Variants in ARL8B observed in about 807,000 individuals in gnomAD.
ARL8B encodes the protein ARF like GTPase 8B.
In ARL8B, 9 loss-of-function variants were observed where a neutral mutation model predicts 30.6. The observed-to-expected ratio is 0.29, with a 90% confidence interval of 0.18 to 0.51. The LOEUF (loss-of-function observed/expected upper bound fraction) is 0.51. ARL8B is among the 20% of genes least tolerant of loss of function. The pLI is 0.97. For missense variants in ARL8B, 130 were observed against 227.2 expected, an observed-to-expected ratio of 0.57 and a Z score of 2.75; for synonymous variants, 74 against 76.0, an observed-to-expected ratio of 0.97 and a Z score of 0.14.
intron 1 of ARL8B, among the ~76,000 whole-genome samples, chr3:5,150,782 C>CAAAAT (rs546976416): frequency 0.012 from 1,825 of 152,020 alleles, 39 homozygotes; most frequent in African/African-American, 0.041. Flanking sequence ...GACTCTGTCT[C>CAAAAT]AAAATAAAAT....
At chr3:5,144,782 A>C (rs915140613) in intron 1 of ARL8B, among the ~76,000 whole-genome samples, 1 of 152,206 alleles carries the variant, frequency 6.6e-6, no homozygotes, top group African/African-American at 2.4e-5. Context: ...ATTTATGCGA[A>C]CTATGGCAAC....
intron 1 of ARL8B, among the ~76,000 whole-genome samples, chr3:5,149,486 G>A (rs1367354158): frequency 6.6e-6 from 1 of 151,474 alleles, no homozygotes; most frequent in Non-Finnish European, 1.5e-5. Flanking sequence ...AGGCACACCT[G>A]GGGCAGTTAC....
intron 1 of ARL8B, among the ~76,000 whole-genome samples, chr3:5,141,317 C>T (rs1458900264): frequency 1.3e-5 from 2 of 152,196 alleles, no homozygotes; most frequent in East Asian, 3.8e-4. Flanking sequence ...TTCCTTTGGT[C>T]TCATTTTCAT....
At chr3:5,122,626 G>C in intron 1 of ARL8B, 38 bp downstream of exon 1, 1 of 1,573,086 alleles carries the variant, frequency 6.4e-7, no homozygotes, top group Non-Finnish European at 8.6e-7. Context: ...GGGCTCCGCA[G>C]CCAGGAGTCC....
chr3:5,166,403 T>C (rs2106568835), intron 1 of ARL8B, among the ~76,000 whole-genome samples: 1 of 141,480 alleles, frequency 7.1e-6, no homozygotes, highest in Non-Finnish European at 1.5e-5. Flanking sequence ...AGTGCAGTGG[T>C]GCCATCTCAG....
chr3:5,161,340 A>C (rs766753138), intron 1 of ARL8B, among the ~76,000 whole-genome samples: 1 of 152,230 alleles, frequency 6.6e-6, no homozygotes, highest in Non-Finnish European at 1.5e-5. Flanking sequence ...TTAACACTGA[A>C]ACTTGCAGTC....
intron 1 of ARL8B, among the ~76,000 whole-genome samples, chr3:5,132,758 A>G (rs1341051470): frequency 6.6e-6 from 1 of 152,214 alleles, no homozygotes; most frequent in Non-Finnish European, 1.5e-5. Context: ...ACTAGGTGCA[A>G]GGCATTGTGA....
chr3:5,126,252 A>G (rs1424800557), intron 1 of ARL8B, among the ~76,000 whole-genome samples: 1 of 152,212 alleles, frequency 6.6e-6, no homozygotes, highest in Non-Finnish European at 1.5e-5. Flanking sequence ...CAATGTGTCC[A>G]AAATAGTAAG....
intron 3 of ARL8B, 91 bp downstream of exon 3, chr3:5,172,314 T>TA (rs2054683730): frequency 8.9e-7 from 1 of 1,126,128 alleles, no homozygotes; most frequent in Admixed American, 2.1e-5. Context: ...GCTCAATTTT[T>TA]ATCTCAGGCA....
At chr3:5,167,247 G>A (rs1293209478) in intron 1 of ARL8B, among the ~76,000 whole-genome samples, 2 of 152,148 alleles carry the variant, frequency 1.3e-5, no homozygotes, top group African/African-American at 2.4e-5. Flanking sequence ...GAATCACAGC[G>A]AGTGCCACGT....
intron 1 of ARL8B, among the ~76,000 whole-genome samples, chr3:5,153,493 T>C (rs1203040201): frequency 6.6e-6 from 1 of 152,174 alleles, no homozygotes; most frequent in Non-Finnish European, 1.5e-5. Context: ...CACATGGAAC[T>C]GTTAAATCCA....
At chr3:5,154,811 T>C (rs2054517986) in intron 1 of ARL8B, among the ~76,000 whole-genome samples, 1 of 152,190 alleles carries the variant, frequency 6.6e-6, no homozygotes, top group Non-Finnish European at 1.5e-5. Flanking sequence ...CCGGGGTTCA[T>C]GTGATTCTCC....
chr3:5,144,657 G>A (rs1262571796), intron 1 of ARL8B, among the ~76,000 whole-genome samples: 1 of 152,174 alleles, frequency 6.6e-6, no homozygotes, highest in Non-Finnish European at 1.5e-5. Context: ...ACTACCTTAG[G>A]GATGTCTGGG....
intron 1 of ARL8B, among the ~76,000 whole-genome samples, chr3:5,159,365 G>T (rs1303176894): frequency 6.6e-6 from 1 of 151,160 alleles, no homozygotes; most frequent in Non-Finnish European, 1.5e-5. Flanking sequence ...CACTTTGGGA[G>T]GCCGAGGTGG....
intron 1 of ARL8B, among the ~76,000 whole-genome samples, chr3:5,156,450 A>G (rs2054534234): frequency 6.8e-6 from 1 of 147,416 alleles, no homozygotes; most frequent in Admixed American, 6.7e-5. Flanking sequence ...GGAGTCTCAC[A>G]TTGTCACCCA....
At chr3:5,139,072 A>T (rs2054350885) in intron 1 of ARL8B, among the ~76,000 whole-genome samples, 1 of 152,232 alleles carries the variant, frequency 6.6e-6, no homozygotes. Context: ...TTAGGGAATT[A>T]TTAATAATAT....
At chr3:5,139,551 C>T (rs1372920272) in intron 1 of ARL8B, among the ~76,000 whole-genome samples, 3 of 152,084 alleles carry the variant, frequency 2.0e-5, no homozygotes, top group Non-Finnish European at 4.4e-5. Flanking sequence ...TCATTAGGAG[C>T]CTTGCAGACA....
rs574490133 is a variant in ARL8B at position 5,127,689 on chromosome 3, C to A, written c.123+5101C>A. Among the ~76,000 whole-genome samples, 18 of 151,778 alleles carry A rather than the reference C, an allele frequency of 1.2e-4. No individual in the cohort carries two copies. In the East Asian group the frequency reaches 2.5e-3, roughly 21 times the overall value. On this transcript the variant is annotated intron_variant, in intron 1 of 6. Coordinates refer to ENST00000256496, the MANE Select transcript of ARL8B (RefSeq NM_018184.3). ...GAGATCAAGACCATCCTGGCTAATG[C>A]GGTGAAACCCCGTCTCTACTAAAAA...
chr3:5,134,405 G>A (rs939192305), intron 1 of ARL8B, among the ~76,000 whole-genome samples: 4 of 152,232 alleles, frequency 2.6e-5, no homozygotes, highest in African/African-American at 9.6e-5. Flanking sequence ...GGTCAGATTC[G>A]TTTGCAGGCT....
Sources: allele counts gnomAD v4.1 joint callset (sites outside exome capture counted in the v4.1 genomes callset), GRCh38; gene constraint gnomAD v4.1.1; transcripts MANE v1.5; gene names NCBI Gene and HGNC (gene_info 2026-07-23, HGNC 2026-07-21).